C4orf50: variants seen among roughly 807,000 people sequenced by gnomAD.
C4orf50 encodes uncharacterized protein C4orf50.
A neutral mutation model predicts 77.2 loss-of-function variants in C4orf50; 80 were observed. The ratio of observed to expected loss-of-function variants is 1.04; its 90% CI spans 0.87 to 1.25. C4orf50 has a LOEUF of 1.25. Ranked by LOEUF, C4orf50 falls within the 50% of genes most tolerant of loss-of-function variation. The probability of loss-of-function intolerance (pLI) is 0.00; values close to 1 mark genes in which losing one functional copy is unlikely to be tolerated. For missense variants in C4orf50, 1,257 were observed against 1,152.9 expected, an observed-to-expected ratio of 1.09 and a Z score of -1.31; for synonymous variants, 532 against 465.3, an observed-to-expected ratio of 1.14 and a Z score of -1.84.
chr4:5,955,208 C>A (rs569475593), downstream of C4orf50, among the ~76,000 whole-genome samples: 145 of 152,250 alleles, frequency 9.5e-4, no homozygotes, highest in Admixed American at 2.6e-3. The surrounding 1 kb of genome is among the most constrained non-coding windows in gnomAD (Gnocchi z 5.1). Context: ...GTCGCAGGGC[C>A]CTCCTTGAGC....
chr4:5,918,259 G>A (rs1195024126), intron 7 of C4orf50, among the ~76,000 whole-genome samples: 1 of 152,224 alleles, frequency 6.6e-6, no homozygotes, highest in African/African-American at 2.4e-5. Flanking sequence ...AATCCAGGTA[G>A]CACAATTCAC....
At chr4:5,980,067 C>T in intron 29 of C4orf50, 107 bp downstream of exon 7, 1 of 878,064 alleles carries the variant, frequency 1.1e-6, no homozygotes, top group Non-Finnish European at 1.7e-6. Context: ...TACCTGCTCC[C>T]AACTGGCTGG....
At chr4:5,968,245 C>A (rs1719698725) in intron 31 of C4orf50, among the ~76,000 whole-genome samples, 1 of 152,186 alleles carries the variant, frequency 6.6e-6, no homozygotes, top group Non-Finnish European at 1.5e-5. Flanking sequence ...TCAAATGTTG[C>A]CTCCTCTGTG....
chr4:6,009,438 A>G lies in C4orf50; in HGVS notation c.427-906T>C, dbSNP rs1446461149. ...AACGTGAAAGAGGAAACCTGGAAACAGCTCAGACAAGCTTTGTTTGATAGT... is the reference window on the plus strand; with the variant it reads ...AACGTGAAAGAGGAAACCTGGAAACGGCTCAGACAAGCTTTGTTTGATAGT... On this transcript the variant is annotated intron_variant, in intron 24 of 33. Transcript: ENST00000531445. This position sits in a 1 kb window ranked among gnomAD's most constrained non-coding sequence, Gnocchi z 5.6. Among the ~76,000 whole-genome samples, 2 of 152,242 alleles carry G rather than the reference A, an allele frequency of 1.3e-5. No homozygotes were observed. Among genetic ancestry groups the G allele is most frequent in the Non-Finnish European group, 2.9e-5 (2 of 68,050 alleles).
In C4orf50 at chr4:6,008,899, C is replaced by G. The variant is rs919163989; in HGVS notation, c.427-367G>C. Among the ~76,000 whole-genome samples the G allele has an allele frequency of 1.3e-5, 2 of 152,136 alleles. No individual in the cohort carries two copies. The highest frequency in any genetic ancestry group is 6.5e-5 in the Admixed American group (1 of 15,276). Reference sequence around the variant, plus strand: ...CGCACCTGAGTGCACACAGCTGCTCCAGAGCCTCCCAGGTGTCCCCACTTC... The same window carrying G: ...CGCACCTGAGTGCACACAGCTGCTCGAGAGCCTCCCAGGTGTCCCCACTTC... On this transcript the variant is annotated intron_variant, in intron 24 of 33. Coordinates refer to ENST00000531445, the Ensembl canonical transcript of C4orf50. The surrounding 1 kb of genome is among the most constrained non-coding windows in gnomAD (Gnocchi z 6.0).
At chr4:6,003,417 G>A (rs1277217144) in intron 25 of C4orf50, among the ~76,000 whole-genome samples, 1 of 152,214 alleles carries the variant, frequency 6.6e-6, no homozygotes, top group East Asian at 1.9e-4. Flanking sequence ...GAGATGAGGA[G>A]GAGGGTGGCA....
chr4:5,960,511 C>T (rs1024780261), intron 33 of C4orf50, among the ~76,000 whole-genome samples: 26 of 152,082 alleles, frequency 1.7e-4, no homozygotes, highest in African/African-American at 4.6e-4. Context: ...TGGTGGAAGA[C>T]GGCTGAAAAA....
chr4:5,941,851 C>T (rs568591040), intron 7 of C4orf50, among the ~76,000 whole-genome samples: 1 of 152,288 alleles, frequency 6.6e-6, no homozygotes, highest in Non-Finnish European at 1.5e-5. Flanking sequence ...GACTCCTCCT[C>T]CTCTCACTTT....
At chr4:5,973,175 C>T (rs770021752) in intron 31 of C4orf50, among the ~76,000 whole-genome samples, 11 of 152,210 alleles carry the variant, frequency 7.2e-5, no homozygotes, top group African/African-American at 2.2e-4. Context: ...TGCCCCGTCA[C>T]GCGGGGCCAC....
At chr4:5,974,381 C>A (rs1458301779) in intron 30 of C4orf50, among the ~76,000 whole-genome samples, 1 of 152,152 alleles carries the variant, frequency 6.6e-6, no homozygotes, top group African/African-American at 2.4e-5. Flanking sequence ...ACCGTCCGCT[C>A]TGCACCTTTC....
chr4:5,965,137 A>G, exon 33 of C4orf50: 1 of 1,612,590 alleles, frequency 6.2e-7, no homozygotes, highest in Non-Finnish European at 8.5e-7. Context: ...TTCAAGAGGT[A>G]TGTCTGAGCT....
intron 7 of C4orf50, among the ~76,000 whole-genome samples, chr4:5,939,236 T>C (rs1277444595): frequency 6.6e-6 from 1 of 151,796 alleles, no homozygotes; most frequent in Non-Finnish European, 1.5e-5. Flanking sequence ...AGACTGAAAC[T>C]CTGTCTCAAA....
chr4:5,901,852 G>C lies in C4orf50; in HGVS notation c.*2475-3664C>G, dbSNP rs1387208349. 1.3e-5 allele frequency: 2 copies of C among 152,222 alleles called. No homozygotes were observed. The highest frequency in any genetic ancestry group is 6.5e-5 in the Admixed American group (1 of 15,292). 9.4% of individuals were successfully genotyped at this position (152,222 alleles called of 1,614,324 possible). ...CTGGTACTGCCAGAGAAGTGGGTGA[G>C]GTCCAGATATGCAGGAATCACACAG... On this transcript the variant is annotated intron_variant, in intron 7 of 7. Transcript: ENST00000324058. The surrounding 1 kb of genome is among the most constrained non-coding windows in gnomAD (Gnocchi z 4.4).
rs1721783743 is a variant in C4orf50 at position 6,000,410 on chromosome 4, T to C, written c.964-5934A>G. ...GCTGGTGGCTGGCTAGCTCTTCACA[T>C]TTCCCAGTGGCCCTCTCAGGAGGAA... On this transcript the variant is annotated intron_variant, in intron 25 of 33. Coordinates refer to ENST00000531445, the Ensembl canonical transcript of C4orf50. The surrounding 1 kb of genome is among the most constrained non-coding windows in gnomAD (Gnocchi z 6.0). Among the ~76,000 whole-genome samples the C allele has an allele frequency of 6.6e-6, 1 of 152,174 alleles. No homozygotes were observed. The highest frequency in any genetic ancestry group is 2.4e-5 in the African/African-American group (1 of 41,444).
At chr4:5,969,191 G>C (rs1329441996) in intron 31 of C4orf50, among the ~76,000 whole-genome samples, 4 of 152,014 alleles carry the variant, frequency 2.6e-5, no homozygotes, top group African/African-American at 9.7e-5. Context: ...ACTCTCCCGA[G>C]CCCTGCCTCT....
chr4:5,915,578 T>G (rs1716996809), intron 7 of C4orf50, among the ~76,000 whole-genome samples: 1 of 152,194 alleles, frequency 6.6e-6, no homozygotes, highest in Non-Finnish European at 1.5e-5. Context: ...AGCAGCCACC[T>G]TGTGACATGA....
chr4:5,968,342 G>A (rs1439747717), intron 31 of C4orf50, among the ~76,000 whole-genome samples: 1 of 152,192 alleles, frequency 6.6e-6, no homozygotes, highest in Non-Finnish European at 1.5e-5. Flanking sequence ...TGGGGTCTAT[G>A]AGGGTCCCCT....
chr4:5,972,980 C>T (rs1029555578), intron 31 of C4orf50, among the ~76,000 whole-genome samples: 20 of 152,228 alleles, frequency 1.3e-4, no homozygotes, highest in African/African-American at 4.8e-4. Flanking sequence ...TTCTGTTGAC[C>T]ACTGGGAGAG....
Position 6,007,614 on chromosome 4 carries a change from G to C in C4orf50, c.963+382C>G, listed in dbSNP as rs1446536562. 8.5e-5 allele frequency among the ~76,000 whole-genome samples: 13 copies of C among 152,314 alleles called. No homozygotes were observed. The highest frequency in any genetic ancestry group is 2.9e-4 in the African/African-American group (12 of 41,568). ...CAACAATGGGAAAACAAGTGGTTTA[G>C]TAAGTGGGCTCATAAGTGGCTGCGT... is the stretch of plus-strand genomic sequence containing the variant. On this transcript the variant is annotated intron_variant, in intron 25 of 33. Transcript: ENST00000531445. The surrounding 1 kb of genome is among the most constrained non-coding windows in gnomAD (Gnocchi z 4.1).
Sources: allele counts gnomAD v4.1 joint callset (sites outside exome capture counted in the v4.1 genomes callset), GRCh38; gene constraint gnomAD v4.1.1; non-coding constraint Gnocchi (gnomAD v3.1); transcripts MANE v1.5; gene names NCBI Gene and HGNC (gene_info 2026-07-23, HGNC 2026-07-21).